The following CYB5RL variants were observed in gnomAD, a reference collection of about 807,000 sequenced individuals.
CYB5RL encodes the protein NADH-cytochrome b5 reductase-like.
A neutral mutation model predicts 37.5 loss-of-function variants in CYB5RL; 38 were observed. The ratio of observed to expected loss-of-function variants is 1.01; its 90% CI spans 0.78 to 1.33. The LOEUF is 1.33. Among genes scored for constraint, CYB5RL ranks in the 40% most tolerant of loss-of-function variants. CYB5RL has a pLI of 0.00. For missense variants in CYB5RL, 388 were observed against 394.4 expected, an observed-to-expected ratio of 0.98 and a Z score of 0.14; for synonymous variants, 141 against 151.9, an observed-to-expected ratio of 0.93 and a Z score of 0.53.
In CYB5RL at chr1:54,171,411, G is replaced by C. The variant is rs1659888998; in HGVS notation, c.*3208C>G. ...AGTGACAGGCTTGGATTTGTGTGTG[G>C]GGAAAACTGGTCTGGTCTCAGCGTG... On this transcript the variant is annotated 3_prime_UTR_variant, in exon 8 of 8. Transcript: ENST00000534324. The C allele has an allele frequency of 4.4e-6, 2 of 456,172 alleles. 1 individual carries two copies. The highest frequency in any genetic ancestry group is 4.0e-5 in the African/African-American group (2 of 50,064). The allele number at this position is 456,172 out of a possible 1,614,324, so 28.3% of individuals were successfully genotyped here.
At chr1:54,194,945 G>A (rs1024109242) in intron 3 of CYB5RL, among the ~76,000 whole-genome samples, 1 of 152,206 alleles carries the variant, frequency 6.6e-6, no homozygotes, top group African/African-American at 2.4e-5. Flanking sequence ...AGACTATGAA[G>A]TCCCGGAGGA....
In CYB5RL at chr1:54,182,473, CT is replaced by C. The variant is rs754972094; in HGVS notation, c.540+1687del. Among the ~76,000 whole-genome samples, 1,322 of 144,974 alleles carry C rather than the reference CT, an allele frequency of 9.1e-3. 7 individuals are homozygous for C. Among genetic ancestry groups the C allele is most frequent in the Non-Finnish European group, 0.015 (955 of 65,638 alleles). ...AATGCCTGTGAGTGTTTTTTCTTTT[CT>C]TTTTTTTTTGTCTCTTTCCATCTGC... On this transcript the variant is annotated intron_variant, in intron 6 of 7. Transcript: ENST00000534324.
intron 3 of CYB5RL, among the ~76,000 whole-genome samples, chr1:54,191,750 G>A (rs1053266429): frequency 1.1e-4 from 16 of 152,194 alleles, no homozygotes; most frequent in Admixed American, 1.0e-3. Context: ...GGCATTCAAG[G>A]CCTTGTCTCC....
Position 54,174,211 on chromosome 1 carries a change from C to A in CYB5RL, c.*408G>T. The A allele has an allele frequency of 4.2e-6, 1 of 236,912 alleles. No homozygotes were observed. The highest frequency in any genetic ancestry group is 8.5e-6 in the Non-Finnish European group (1 of 117,198). 14.7% of individuals were successfully genotyped at this position (236,912 alleles called of 1,614,324 possible). Reference sequence around the variant, plus strand: ...CCTACACACTCAGGAGCCCCTAATCCGAGATGGTGCTGAGGCCACAGTTGG... The same window carrying A: ...CCTACACACTCAGGAGCCCCTAATCAGAGATGGTGCTGAGGCCACAGTTGG... On this transcript the variant is annotated 3_prime_UTR_variant, in exon 8 of 8. Transcript: ENST00000534324.
In CYB5RL at chr1:54,177,064, C is replaced by T. The variant is rs1402775586; in HGVS notation, c.744+2085G>A. 4.6e-5 allele frequency among the ~76,000 whole-genome samples: 7 copies of T among 152,194 alleles called. 1 individual carries two copies. Among genetic ancestry groups the T allele is most frequent in the South Asian group, 4.1e-4 (2 of 4,826 alleles). On this transcript the variant is annotated intron_variant, in intron 7 of 7. Transcript: ENST00000534324. ...ATCAGGCCACAGCTCACGGGGAGGG[C>T]GGGCTAGGAGATGAGGCCACAGAGG...
chr1:54,180,260 T>C, intron 6 of CYB5RL: 1 of 394,482 alleles, frequency 2.5e-6, no homozygotes, highest in Non-Finnish European at 4.8e-6. Context: ...AAAGGTGAGT[T>C]CCCACCCCAG....
Position 54,195,706 on chromosome 1 carries a change from C to T in CYB5RL, c.-90G>A, listed in dbSNP as rs1644002282. 7.0e-7 allele frequency: 1 copy of T among 1,422,346 alleles called. No homozygotes were observed. The highest frequency in any genetic ancestry group is 2.3e-5 in the East Asian group (1 of 43,236). The allele number at this position is 1,422,346 out of a possible 1,614,324, so 88.1% of individuals were successfully genotyped here. Reference sequence around the variant, plus strand: ...GAGACCACGGGCGCAGGCCCTGCTCCTTGGCCAGCCTGGGAGAGGGAAAAC... The same window carrying T: ...GAGACCACGGGCGCAGGCCCTGCTCTTTGGCCAGCCTGGGAGAGGGAAAAC... On this transcript the variant is annotated 5_prime_UTR_variant, in exon 3 of 8. Transcript: ENST00000534324.
rs1375269970 is a variant in CYB5RL, at chr1:54,174,396, C to A, written c.*223G>T. On this transcript the variant is annotated 3_prime_UTR_variant, in exon 8 of 8. Coordinates refer to ENST00000534324, the MANE Select transcript of CYB5RL (RefSeq NM_001031672.4). ...GTTGCTCACCTCCTCAGGGCCCCTA[C>A]AGCCCATCCTCCTTCTACATAGTAG... 3.3e-5 allele frequency: 19 copies of A among 569,328 alleles called. No homozygotes were observed. The Admixed American group carries it at 5.8e-4, about 17-fold the overall frequency. The allele number at this position is 569,328 out of a possible 1,614,324, so 35.3% of individuals were successfully genotyped here.
intron 3 of CYB5RL, among the ~76,000 whole-genome samples, chr1:54,192,390 G>A (rs1643963441): frequency 6.6e-6 from 1 of 151,868 alleles, no homozygotes; most frequent in South Asian, 2.1e-4. Context: ...TCACCATGTT[G>A]GCCAGGCTGG....
At position 54,195,409 on chromosome 1, in the gene CYB5RL, C is replaced by A; in HGVS notation, c.198+10G>T. On this transcript the variant is annotated intron_variant, in intron 3 of 7. Coordinates refer to ENST00000534324, the MANE Select transcript of CYB5RL (RefSeq NM_001031672.4). ...CCCTGGTGCTCATATCGAGAAGCAG[C>A]CTCTCTCACCTGTGACTCTGGCCCA... The A allele has an allele frequency of 6.4e-7, 1 of 1,566,830 alleles. No individual in the cohort carries two copies. The highest frequency in any genetic ancestry group is 1.2e-5 in the South Asian group (1 of 85,320).
rs1426275523 is a variant in CYB5RL at position 54,189,241 on chromosome 1, C to CAG, written c.348-1504_348-1503dup. Among the ~76,000 whole-genome samples the CAG allele has an allele frequency of 3.3e-5, 5 of 152,202 alleles. No homozygotes were observed. In the East Asian group the frequency reaches 9.6e-4, roughly 29 times the overall value. ...ATGAAACAAATGGGGACCTAAGGAA[C>CAG]AGAGCACAGAGCATGGCTTGGCTGC... On this transcript the variant is annotated intron_variant, in intron 4 of 7. Coordinates refer to ENST00000534324, the MANE Select transcript of CYB5RL (RefSeq NM_001031672.4).
At position 54,171,759 on chromosome 1, in the gene CYB5RL, C is replaced by T; in HGVS notation, c.*2860G>A. 1 of 315,148 alleles carries T rather than the reference C, an allele frequency of 3.2e-6. No homozygotes were observed. The highest frequency in any genetic ancestry group is 7.6e-5 in the East Asian group (1 of 13,136). 19.5% of individuals were successfully genotyped at this position (315,148 alleles called of 1,614,324 possible). On this transcript the variant is annotated 3_prime_UTR_variant, in exon 8 of 8. Transcript: ENST00000534324. ...CACGCAGTGGGCATCATCAGAGGAA[C>T]AGCAGCTGATGGGAACCATGCCCCC...
Position 54,179,193 on chromosome 1 carries a change from G to C in CYB5RL, c.700C>G (p.Gln234Glu). 4.3e-6 allele frequency: 7 copies of C among 1,613,748 alleles called. No homozygotes were observed. Among genetic ancestry groups the C allele is most frequent in the Non-Finnish European group, 5.9e-6 (7 of 1,179,802 alleles). The change falls in exon 7 of 8, where the codon CAG becomes GAG. Residue 234 changes from glutamine to glutamate, a missense_variant. Physicochemically the swap from Gln to Glu is conservative, Grantham distance 29. Transcript: ENST00000534324. ...SIYLKTFLQEQARFWNVRTFF... is the reference protein window; with the variant it reads ...SIYLKTFLQEEARFWNVRTFF... ...GTACGGACATTCCAGAAACGGGCCTGCTCTTGGAGGAAGGTTTTCAGGTAG... is the reference window on the plus strand; with the variant it reads ...GTACGGACATTCCAGAAACGGGCCTCCTCTTGGAGGAAGGTTTTCAGGTAG...
At chr1:54,185,801 T>C (rs963825243) in intron 5 of CYB5RL, 1 of 152,188 alleles carries the variant, frequency 6.6e-6, no homozygotes, top group Non-Finnish European at 1.5e-5. Context: ...TACCCTGATA[T>C]GGTTTGGCTG....
intron 7 of CYB5RL, among the ~76,000 whole-genome samples, chr1:54,176,462 G>T (rs1018753433): frequency 1.3e-5 from 2 of 152,208 alleles, no homozygotes; most frequent in African/African-American, 2.4e-5. Flanking sequence ...GCCCAGGGAG[G>T]TTGAGGCTTC....
intron 1 of CYB5RL, among the ~76,000 whole-genome samples, chr1:54,197,309 TTTC>T (rs922299156): frequency 1.6e-5 from 2 of 128,640 alleles, no homozygotes; most frequent in African/African-American, 5.9e-5. Context: ...TTCTTTTTCT[TTTC>T]TTTTCTTTTT....
intron 5 of CYB5RL, 89 bp downstream of exon 5, chr1:54,187,563 T>C: frequency 1.5e-6 from 2 of 1,310,774 alleles, no homozygotes; most frequent in African/African-American, 1.5e-5. Flanking sequence ...CAGCACTGAG[T>C]TTCCTTCCCA....
intron 7 of CYB5RL, among the ~76,000 whole-genome samples, chr1:54,177,457 C>G (rs966667731): frequency 2.0e-5 from 3 of 152,172 alleles, no homozygotes; most frequent in African/African-American, 7.2e-5. Flanking sequence ...CTTGGTAAAG[C>G]CATCCCTGAC....
In CYB5RL at chr1:54,171,072, A is replaced by G; in HGVS notation, c.*3547T>C. ...ACACTTATGGGTACAGCGACAGAAAAGCACACAAGCCTCTCTGCTCACTGA... is the reference window on the plus strand; with the variant it reads ...ACACTTATGGGTACAGCGACAGAAAGGCACACAAGCCTCTCTGCTCACTGA... On this transcript the variant is annotated 3_prime_UTR_variant, in exon 8 of 8. Transcript: ENST00000534324. The G allele has an allele frequency of 2.2e-6, 1 of 451,622 alleles. No homozygotes were observed. Among genetic ancestry groups the G allele is most frequent in the Non-Finnish European group, 4.5e-6 (1 of 223,742 alleles). The allele number at this position is 451,622 out of a possible 1,614,324, so 28.0% of individuals were successfully genotyped here.
Sources: gnomAD v4.1 joint callset for allele counts (sites outside exome capture counted in the v4.1 genomes callset) on GRCh38, gnomAD v4.1.1 for gene constraint, MANE v1.5 for transcripts, NCBI Gene and HGNC (gene_info 2026-07-23, HGNC 2026-07-21) for gene names.